Variants in GRID1 observed in about 807,000 individuals in gnomAD.
GRID1 encodes glutamate ionotropic receptor delta type subunit 1.
Under a neutral mutation model 98.0 loss-of-function variants are expected in GRID1, and 28 were observed. The ratio of observed to expected loss-of-function variants is 0.29; its 90% confidence interval spans 0.21 to 0.39. The LOEUF is 0.39. Among genes scored for constraint, GRID1 ranks in the 10% least tolerant of loss-of-function variants. The pLI is 1.00. For missense variants in GRID1, 1,111 were observed against 1,340.5 expected (o/e 0.83, Z 2.67); for synonymous variants, 553 against 538.5 (o/e 1.03, Z -0.37).
rs907976007 is a variant in GRID1, at chr10:86,032,208, G to A, written c.726+106611C>T. Among the ~76,000 whole-genome samples the A allele has an allele frequency of 5.0e-4, 76 of 152,258 alleles. 1 individual carries two copies. Among genetic ancestry groups the A allele is most frequent in the African/African-American group, 1.8e-3 (74 of 41,546 alleles). ...ATATCTGTGAGAGGGAGGGAGGTGG[G>A]GGGGCAGCCCCCGCCCGGCAGCCAC... On this transcript the variant is annotated intron_variant, in intron 4 of 15. Transcript: ENST00000327946.
At chr10:86,249,302 C>A (rs1846782889) in intron 2 of GRID1, among the ~76,000 whole-genome samples, 1 of 152,192 alleles carries the variant, frequency 6.6e-6, no homozygotes, top group South Asian at 2.1e-4. Context: ...CATTTGGCCA[C>A]CCACAGGCTA....
intron 8 of GRID1, among the ~76,000 whole-genome samples, chr10:85,747,969 C>T (rs1842012773): frequency 6.6e-6 from 1 of 152,104 alleles, no homozygotes; most frequent in African/African-American, 2.4e-5. Context: ...CTTTCTACAA[C>T]AGTTAAAAGA....
At chr10:86,102,939 A>G (rs1844319896) in intron 4 of GRID1, among the ~76,000 whole-genome samples, 1 of 152,158 alleles carries the variant, frequency 6.6e-6, no homozygotes, top group Non-Finnish European at 1.5e-5. Flanking sequence ...GAGAACTGAC[A>G]GTTTTATAAA....
intron 3 of GRID1, among the ~76,000 whole-genome samples, chr10:86,179,308 T>C (rs1845621235): frequency 6.6e-6 from 1 of 150,634 alleles, no homozygotes; most frequent in African/African-American, 2.4e-5. Flanking sequence ...CTCCTCCCTC[T>C]TCCCCTCCCT....
At chr10:85,776,706 C>T (rs919162361) in intron 8 of GRID1, among the ~76,000 whole-genome samples, 1 of 152,210 alleles carries the variant, frequency 6.6e-6, no homozygotes, top group African/African-American at 2.4e-5. Flanking sequence ...ACCGGTGATC[C>T]AGGTGCCCAA....
At chr10:86,176,419 C>T (rs886221757) in intron 3 of GRID1, among the ~76,000 whole-genome samples, 36 of 152,296 alleles carry the variant, frequency 2.4e-4, no homozygotes, top group African/African-American at 8.7e-4. Context: ...AAGGCATTTC[C>T]AGGCAGGAAG....
intron 4 of GRID1, among the ~76,000 whole-genome samples, chr10:86,138,438 C>T (rs1220705291): frequency 6.6e-6 from 1 of 152,176 alleles, no homozygotes; most frequent in Non-Finnish European, 1.5e-5. Flanking sequence ...ACCTACCCAC[C>T]TCTGCAGAAA....
chr10:86,034,580 G>T (rs191623858), intron 4 of GRID1, among the ~76,000 whole-genome samples: 11 of 151,722 alleles, frequency 7.3e-5, no homozygotes, highest in Admixed American at 4.6e-4. Flanking sequence ...CATTCTTTCC[G>T]CAATACCACA....
At chr10:85,659,480 T>C (rs1354585526) in intron 12 of GRID1, among the ~76,000 whole-genome samples, 1 of 152,174 alleles carries the variant, frequency 6.6e-6, no homozygotes, top group African/African-American at 2.4e-5. Context: ...CTGCCTGAGT[T>C]TGTTTGTGGA....
intron 4 of GRID1, among the ~76,000 whole-genome samples, chr10:86,075,310 C>T (rs1032207679): frequency 2.0e-5 from 3 of 146,814 alleles, no homozygotes; most frequent in African/African-American, 5.1e-5. Context: ...TCCAACATGG[C>T]TGGCATCCTC....
intron 5 of GRID1, among the ~76,000 whole-genome samples, chr10:85,915,910 A>AC (rs1841612949): frequency 6.6e-6 from 1 of 151,774 alleles, no homozygotes; most frequent in Non-Finnish European, 1.5e-5. Context: ...TGGCTGCCTC[A>AC]CCTCACCTAG....
intron 8 of GRID1, among the ~76,000 whole-genome samples, chr10:85,768,001 C>G (rs1374551707): frequency 6.6e-6 from 1 of 152,178 alleles, no homozygotes; most frequent in Non-Finnish European, 1.5e-5. Context: ...AGCAAAATCA[C>G]AGAGTTAAGA....
intron 12 of GRID1, among the ~76,000 whole-genome samples, chr10:85,648,363 C>T (rs1014869947): frequency 9.2e-5 from 14 of 152,144 alleles, no homozygotes; most frequent in African/African-American, 2.7e-4. Flanking sequence ...GTTGACAGAA[C>T]GTCATGTACC....
chr10:85,622,492 C>A lies in GRID1; in HGVS notation c.2194-2459G>T, dbSNP rs1004518572. On this transcript the variant is annotated intron_variant, in intron 13 of 15. Coordinates refer to ENST00000327946, the MANE Select transcript of GRID1 (RefSeq NM_017551.3). ...CTGGGCTCAAGCAATAGTCCTTCTT[C>A]AGCATCTTGAGTTGCTGGGACTACA... Among the ~76,000 whole-genome samples the A allele has an allele frequency of 2.0e-5, 3 of 152,304 alleles. 1 individual carries two copies. Among genetic ancestry groups the A allele is most frequent in the Admixed American group, 2.0e-4 (3 of 15,288 alleles).
At chr10:85,921,221 G>A (rs1329808236) in intron 4 of GRID1, among the ~76,000 whole-genome samples, 2 of 152,218 alleles carry the variant, frequency 1.3e-5, no homozygotes, top group Non-Finnish European at 2.9e-5. Context: ...GTGTCCACAC[G>A]TGTGTTGACT....
At chr10:85,839,429 T>A (rs1413148073) in intron 8 of GRID1, among the ~76,000 whole-genome samples, 1 of 152,112 alleles carries the variant, frequency 6.6e-6, no homozygotes, top group Non-Finnish European at 1.5e-5. Context: ...ACCAAAATTA[T>A]AACAGTCTCT....
intron 4 of GRID1, among the ~76,000 whole-genome samples, chr10:85,953,993 A>G (rs1842157765): frequency 6.6e-6 from 1 of 152,212 alleles, no homozygotes; most frequent in African/African-American, 2.4e-5. Flanking sequence ...AAAGAGGGCA[A>G]AATAATCTCC....
At chr10:85,628,053 T>TGTGTAA (rs1842932204) in intron 13 of GRID1, among the ~76,000 whole-genome samples, 1 of 151,762 alleles carries the variant, frequency 6.6e-6, no homozygotes, top group East Asian at 1.9e-4. Flanking sequence ...TATGTGCATA[T>TGTGTAA]GTGTAAGTGT....
intron 12 of GRID1, among the ~76,000 whole-genome samples, chr10:85,684,504 T>C (rs1230751056): frequency 2.0e-5 from 3 of 152,180 alleles, no homozygotes; most frequent in Non-Finnish European, 4.4e-5. Context: ...TCTTCACAGA[T>C]ATAGAAAAAG....
Sources: gnomAD v4.1 joint callset for allele counts (sites outside exome capture counted in the v4.1 genomes callset) on GRCh38, gnomAD v4.1.1 for gene constraint, MANE v1.5 for transcripts, NCBI Gene and HGNC (gene_info 2026-07-23, HGNC 2026-07-21) for gene names.